The following NAT10 variants were observed in gnomAD, a reference collection of about 807,000 sequenced individuals.
The protein encoded by NAT10 is N-acetyltransferase 10.
Under a neutral mutation model 132.2 loss-of-function variants are expected in NAT10, and 109 were observed. The observed-to-expected ratio is 0.82, with a 90% CI of 0.71 to 0.97. The LOEUF (loss-of-function observed/expected upper bound fraction) is 0.97, where lower values mean the gene tolerates loss of function less well. NAT10 is among the 50% of genes least tolerant of loss of function. The pLI is 0.00. For missense variants in NAT10, 1,184 were observed against 1,263.4 expected (o/e 0.94, Z 0.95); for synonymous variants, 479 against 478.0 (o/e 1.00, Z -0.03).
chr11:34,135,120 T>C, intron 18 of NAT10, 55 bp from the exon 19 acceptor site: 1 of 1,431,046 alleles, frequency 7.0e-7, no homozygotes, highest in Non-Finnish European at 9.8e-7. Flanking sequence ...CACTGTGGCT[T>C]AGACTGAGAG....
intron 1 of NAT10, chr11:34,107,118 C>T (rs963165806): frequency 6.8e-6 from 1 of 146,394 alleles, no homozygotes; most frequent in African/African-American, 2.5e-5. Flanking sequence ...ACTGCAACTT[C>T]CGCCTACCGG....
intron 8 of NAT10, among the ~76,000 whole-genome samples, chr11:34,120,296 A>T (rs1483730596): frequency 6.6e-6 from 1 of 152,014 alleles, no homozygotes; most frequent in African/African-American, 2.4e-5. Context: ...GATTTTTCAG[A>T]GTTTATAACT....
In NAT10 at chr11:34,130,815, A is replaced by G. The variant is rs1485900688; in HGVS notation, c.1247A>G (p.Tyr416Cys). The part of the protein sequence containing the change: ...LVFMASTING[Y>C]EGTGRSLSLK... Reference sequence around the variant, plus strand: ...ATTCCTTTTGCCTTTGTTTCTAGCTATGAGGGCACTGGCCGGTCACTGTCC... The same window carrying G: ...ATTCCTTTTGCCTTTGTTTCTAGCTGTGAGGGCACTGGCCGGTCACTGTCC... The change falls in exon 13 of 29, where the codon TAT (tyrosine) becomes TGT (cysteine). Residue 416 changes from tyrosine (Y) to cysteine (C), a missense_variant and splice_region_variant. Coordinates refer to ENST00000257829, the MANE Select transcript of NAT10 (RefSeq NM_024662.3). The G allele has an allele frequency of 3.7e-6, 6 of 1,613,888 alleles. No individual in the cohort carries two copies. In the African/African-American group the frequency reaches 4.0e-5, roughly 11 times the overall value.
intron 15 of NAT10, among the ~76,000 whole-genome samples, 180 bp downstream of exon 15, chr11:34,132,401 C>T (rs575178008): frequency 9.9e-5 from 15 of 152,260 alleles, no homozygotes; most frequent in Middle Eastern, 6.8e-3. Context: ...CATGCAGTAA[C>T]GGGACAGGGT....
In NAT10 at chr11:34,140,544, G is replaced by A. The variant is rs892398357; in HGVS notation, c.2564G>A (p.Gly855Glu). The change falls in exon 24 of 29, where the codon GGG (glycine) becomes GAG (glutamate). Residue 855 changes from glycine (G) to glutamate (E), a missense_variant. Transcript: ENST00000257829. ...CGCATCTATTTCCTGAACCAGCTGGGGGACCTGGCCCTGTCTGCGGCTCAG... is the reference window on the plus strand; with the variant it reads ...CGCATCTATTTCCTGAACCAGCTGGAGGACCTGGCCCTGTCTGCGGCTCAG... ...ISRIYFLNQL[G>E]DLALSAAQSA... 5 of 1,614,014 alleles carry A rather than the reference G, an allele frequency of 3.1e-6. No homozygotes were observed. The highest frequency in any genetic ancestry group is 3.4e-6 in the Non-Finnish European group (4 of 1,180,026).
At chr11:34,141,850 G>T (rs766584410) in intron 26 of NAT10, 33 bp downstream of exon 26, 38 of 1,569,580 alleles carry the variant, frequency 2.4e-5, no homozygotes, top group Non-Finnish European at 3.3e-5. Flanking sequence ...GGGAGTCCCA[G>T]CATTTCCATC....
chr11:34,127,136 A>G (rs1034532890), intron 11 of NAT10, among the ~76,000 whole-genome samples: 7 of 152,218 alleles, frequency 4.6e-5, no homozygotes, highest in Admixed American at 2.0e-4. Context: ...TGGGCAGGGC[A>G]TCTTTATATA....
intron 8 of NAT10, among the ~76,000 whole-genome samples, chr11:34,119,964 C>G (rs1032695708): frequency 6.6e-6 from 1 of 152,114 alleles, no homozygotes; most frequent in African/African-American, 2.4e-5. Flanking sequence ...GTGGAAATGC[C>G]TTTTTCTCTA....
intron 11 of NAT10, 126 bp from the exon 12 acceptor site, chr11:34,127,337 G>A: frequency 3.6e-6 from 4 of 1,101,744 alleles, no homozygotes; most frequent in Non-Finnish European, 5.2e-6. Context: ...GTAGAAAGGA[G>A]GAATGAGAGG....
intron 14 of NAT10, among the ~76,000 whole-genome samples, 186 bp downstream of exon 14, chr11:34,131,717 C>T (rs1425236369): frequency 2.2e-5 from 3 of 137,298 alleles, no homozygotes; most frequent in African/African-American, 5.5e-5. Flanking sequence ...GATGGAGTCT[C>T]GCTCTGTCAC....
chr11:34,134,330 AGGG>A lies in NAT10; in HGVS notation c.1748_1750del (p.Gly583del), dbSNP rs1342144077. 6.2e-7 allele frequency: 1 copy of A among 1,613,988 alleles called. No individual in the cohort carries two copies. The highest frequency in any genetic ancestry group is 1.3e-5 in the African/African-American group (1 of 74,914). ...TGCTTCCCCCACAGGTGTGCCTTGA[AGGG>A]GAGATTTCTCGCCAGTCCATCTTGA... On this transcript the variant is annotated inframe_deletion, in exon 17 of 29. Coordinates refer to ENST00000257829, the MANE Select transcript of NAT10 (RefSeq NM_024662.3).
intron 8 of NAT10, among the ~76,000 whole-genome samples, chr11:34,119,365 G>A (rs1421776200): frequency 6.6e-6 from 1 of 152,220 alleles, no homozygotes; most frequent in South Asian, 2.1e-4. Context: ...GACACCTCCC[G>A]CTTAGGGCTG....
intron 11 of NAT10, 41 bp downstream of exon 11, chr11:34,124,441 CTTGCTGTA>C (rs1222378261): frequency 1.1e-5 from 16 of 1,438,834 alleles, no homozygotes; most frequent in Non-Finnish European, 1.5e-5. Context: ...GGGCCAGTGT[CTTGCTGTA>C]TTTAACTGGC....
At chr11:34,113,642 A>AAAC in intron 4 of NAT10, 74 bp from the exon 5 acceptor site, 1 of 1,334,622 alleles carries the variant, frequency 7.5e-7, no homozygotes, top group Non-Finnish European at 9.8e-7. Context: ...ATCTCAAAAA[A>AAAC]AAAAAAAAAA....
rs531395181 is a variant in NAT10 at position 34,129,456 on chromosome 11, G to A, written c.1245-1357G>A. 3.9e-5 allele frequency among the ~76,000 whole-genome samples: 6 copies of A among 152,038 alleles called. No homozygotes were observed. In the South Asian group the frequency reaches 1.2e-3, roughly 32 times the overall value. Reference sequence around the variant, plus strand: ...GGAGAAATGTGTATTCGTATCCTCTGTTCATCTCTCCAATTGGGTTGTCTT... The same window carrying A: ...GGAGAAATGTGTATTCGTATCCTCTATTCATCTCTCCAATTGGGTTGTCTT... On this transcript the variant is annotated intron_variant, in intron 12 of 28. Coordinates refer to ENST00000257829, the MANE Select transcript of NAT10 (RefSeq NM_024662.3).
Position 34,108,816 on chromosome 11 carries a change from A to G in NAT10, c.183A>G (p.Lys61=). Residue 61 remains lysine (K), a synonymous_variant, in exon 3 of 29, where the codon AAA becomes AAG. Coordinates refer to ENST00000257829, the MANE Select transcript of NAT10 (RefSeq NM_024662.3). ...ARPSVLWCYK[K]ELGFSSHRKK... Reference sequence around the variant, plus strand: ...CTTCAGTGCTGTGGTGTTATAAGAAAGAGCTGGGGTTTAGCAGGTAAGCTG... The same window carrying G: ...CTTCAGTGCTGTGGTGTTATAAGAAGGAGCTGGGGTTTAGCAGGTAAGCTG... 6.2e-7 allele frequency: 1 copy of G among 1,613,820 alleles called. No individual in the cohort carries two copies. The highest frequency in any genetic ancestry group is 8.5e-7 in the Non-Finnish European group (1 of 1,179,896).
chr11:34,126,325 T>G (rs1409211340), intron 11 of NAT10, among the ~76,000 whole-genome samples: 1 of 152,236 alleles, frequency 6.6e-6, no homozygotes, highest in Non-Finnish European at 1.5e-5. Flanking sequence ...GTTCATGTGT[T>G]TCTATGTTTA....
intron 20 of NAT10, 38 bp downstream of exon 20, chr11:34,136,813 G>A (rs1374333569): frequency 1.2e-6 from 2 of 1,613,930 alleles, no homozygotes; most frequent in Non-Finnish European, 1.7e-6. Context: ...TCACTCCTTG[G>A]CATTGAGAAA....
chr11:34,138,138 G>A (rs1297406326), intron 21 of NAT10, among the ~76,000 whole-genome samples: 6 of 152,210 alleles, frequency 3.9e-5, no homozygotes, highest in Admixed American at 2.6e-4. Context: ...GCAATTAGTG[G>A]TATGGGTGAG....
Sources: gnomAD v4.1 joint callset for allele counts (sites outside exome capture counted in the v4.1 genomes callset) on GRCh38, gnomAD v4.1.1 for gene constraint, MANE v1.5 for transcripts, NCBI Gene and HGNC (gene_info 2026-07-23, HGNC 2026-07-21) for gene names.